Variants in CSNK1D observed in about 807,000 individuals in gnomAD.
The protein encoded by CSNK1D is casein kinase I isoform delta.
A neutral mutation model predicts 46.6 loss-of-function variants in CSNK1D; 16 were observed. That is an observed-to-expected ratio of 0.34 (90% confidence interval 0.23 to 0.52). CSNK1D has a LOEUF of 0.52. Among genes scored for constraint, CSNK1D ranks in the 20% least tolerant of loss-of-function variants. The pLI is 0.95. For synonymous variants in CSNK1D, 276 were observed against 228.2 expected, an observed-to-expected ratio of 1.21 and a Z score of -1.89; for missense variants, 398 against 578.4, an observed-to-expected ratio of 0.69 and a Z score of 3.20.
In CSNK1D at chr17:82,248,626, C is replaced by T. The variant is rs2050911366; in HGVS notation, c.1197+249G>A. 2.6e-5 allele frequency: 35 copies of T among 1,361,234 alleles called. No individual in the cohort carries two copies. Among genetic ancestry groups the T allele is most frequent in the Non-Finnish European group, 3.2e-5 (34 of 1,053,684 alleles). The allele number at this position is 1,361,234 out of a possible 1,614,324, so 84.3% of individuals were successfully genotyped here. On this transcript the variant is annotated intron_variant, in intron 8 of 8. Coordinates refer to ENST00000314028, the MANE Select transcript of CSNK1D (RefSeq NM_001893.6). This position sits in a 1 kb window ranked among gnomAD's most constrained non-coding sequence, Gnocchi z 4.1. ...GGAGAAAGCCCCCACGGTTTGCTGG[C>T]CTCAGGGACCTGAGACCTGAGACTG... is the stretch of plus-strand genomic sequence containing the variant.
intron 2 of CSNK1D, among the ~76,000 whole-genome samples, chr17:82,263,829 C>T (rs1375115494): frequency 6.6e-6 from 1 of 152,242 alleles, no homozygotes; most frequent in Admixed American, 6.5e-5. Flanking sequence ...ACCTTCAAGG[C>T]AATGCAGGCT....
rs2051012795 is a variant in CSNK1D at position 82,251,671 on chromosome 17, T to C, written c.737-144A>G. ...AAACACCTGTCAGATTTCTAAGACC[T>C]GAAGCCTTGAGAAAGCATCGAAAAG... On this transcript the variant is annotated intron_variant, in intron 5 of 8. Coordinates refer to ENST00000314028, the MANE Select transcript of CSNK1D (RefSeq NM_001893.6). The surrounding 1 kb of genome is among the most constrained non-coding windows in gnomAD (Gnocchi z 4.5). 1 of 884,002 alleles carries C rather than the reference T, an allele frequency of 1.1e-6. No homozygotes were observed. The allele number at this position is 884,002 out of a possible 1,614,324, so 54.8% of individuals were successfully genotyped here.
At chr17:82,253,275 C>A (rs1421942282) in intron 3 of CSNK1D, 31 bp from the exon 4 acceptor site, 5 of 1,577,500 alleles carry the variant, frequency 3.2e-6, no homozygotes, top group Non-Finnish European at 8.7e-7. Flanking sequence ...CGAGATGGCA[C>A]CCCAGGGCAG....
chr17:82,273,749 G>C, upstream of CSNK1D: 1 of 479,648 alleles, frequency 2.1e-6, no homozygotes, highest in Non-Finnish European at 3.6e-6. The surrounding 1 kb of genome is among the most constrained non-coding windows in gnomAD (Gnocchi z 5.1). Context: ...CGGCGCTCCA[G>C]GGGCGGGGCC....
Position 82,255,373 on chromosome 17 carries a change from G to A in CSNK1D, c.336+56C>T. 1 of 1,585,954 alleles carries A rather than the reference G, an allele frequency of 6.3e-7. No homozygotes were observed. Among genetic ancestry groups the A allele is most frequent in the Non-Finnish European group, 8.7e-7 (1 of 1,154,260 alleles). On this transcript the variant is annotated intron_variant, in intron 3 of 8. Transcript: ENST00000314028. This position sits in a 1 kb window ranked among gnomAD's most constrained non-coding sequence, Gnocchi z 5.9. Reference sequence around the variant, plus strand: ...ATAATGGCAAGAACAGCACAAGCGAGTGGCTGATTCTATCAGACAGCAAGT... The same window carrying A: ...ATAATGGCAAGAACAGCACAAGCGAATGGCTGATTCTATCAGACAGCAAGT...
chr17:82,259,688 C>G (rs112531081), intron 2 of CSNK1D, among the ~76,000 whole-genome samples: 2,277 of 152,300 alleles, frequency 0.015, 47 homozygotes, highest in African/African-American at 0.051. Flanking sequence ...CAGGGCTCAA[C>G]GCAGTATGAG....
At chr17:82,246,954 G>A in intron 8 of CSNK1D, 1 of 985,518 alleles carries the variant, frequency 1.0e-6, no homozygotes, top group Non-Finnish European at 1.2e-6. Flanking sequence ...GGGAGCTGCT[G>A]CTCACAGCCA....
chr17:82,267,116 GGAAAA>G (rs1390168126), intron 1 of CSNK1D: 7 of 151,348 alleles, frequency 4.6e-5, no homozygotes, highest in Admixed American at 4.6e-4. Flanking sequence ...GTGGCTATGT[GGAAAA>G]GAATTCACAC....
chr17:82,269,970 C>T (rs2051576711), intron 1 of CSNK1D, among the ~76,000 whole-genome samples: 1 of 152,388 alleles, frequency 6.6e-6, no homozygotes, highest in Non-Finnish European at 1.5e-5. Flanking sequence ...TATGGCCACA[C>T]CACATGGACA....
Position 82,273,258 on chromosome 17 carries a change from C to T in CSNK1D, c.76+48G>A, listed in dbSNP as rs1303730702. ...CGCGATCGCGCTTGGTCTTGGCAGC[C>T]GCAGGGCCCGGGTCTTCGGGCGGCG... On this transcript the variant is annotated intron_variant, in intron 1 of 8. Coordinates refer to ENST00000314028, the MANE Select transcript of CSNK1D (RefSeq NM_001893.6). The surrounding 1 kb of genome is among the most constrained non-coding windows in gnomAD (Gnocchi z 5.1). The T allele has an allele frequency of 1.3e-6, 2 of 1,567,698 alleles. No individual in the cohort carries two copies. The highest frequency in any genetic ancestry group is 1.7e-6 in the Non-Finnish European group (2 of 1,155,490).
At chr17:82,246,256 T>G (rs1000015641) in intron 8 of CSNK1D, 1 of 1,460,154 alleles carries the variant, frequency 6.8e-7, no homozygotes, top group African/African-American at 1.4e-5. Context: ...AATCACTTGC[T>G]CTTAAGGCCA....
Position 82,249,741 on chromosome 17 carries a change from C to T in CSNK1D, c.886-139G>A, listed in dbSNP as rs1271443238. ...GACTGCCTGCAAAGCCCCCCACAGG[C>T]TGCACGTTTCTCCTCATGGGATGAC... On this transcript the variant is annotated intron_variant, in intron 6 of 8. Transcript: ENST00000314028. This position sits in a 1 kb window ranked among gnomAD's most constrained non-coding sequence, Gnocchi z 6.7. The T allele has an allele frequency of 9.3e-6, 14 of 1,499,946 alleles. No homozygotes were observed. The highest frequency in any genetic ancestry group is 1.2e-5 in the Non-Finnish European group (13 of 1,127,170). 92.9% of individuals were successfully genotyped at this position (1,499,946 alleles called of 1,614,324 possible). A position where few individuals can be genotyped will look rare whatever the true frequency, so the allele number is the denominator to read the frequency against.
At chr17:82,245,953 G>A (rs1228432459) in intron 8 of CSNK1D, 3 of 1,587,016 alleles carry the variant, frequency 1.9e-6, no homozygotes, top group South Asian at 1.1e-5. Flanking sequence ...CTGCTGCCTG[G>A]CGCCCGCCAC....
chr17:82,248,551 G>A lies in CSNK1D; in HGVS notation c.1197+324C>T, dbSNP rs911578795. 5.0e-6 allele frequency: 6 copies of A among 1,194,536 alleles called. No individual in the cohort carries two copies. The highest frequency in any genetic ancestry group is 5.4e-5 in the East Asian group (1 of 18,674). The allele number at this position is 1,194,536 out of a possible 1,614,324, so 74.0% of individuals were successfully genotyped here. A position where few individuals can be genotyped will look rare whatever the true frequency, so the allele number is the denominator to read the frequency against. On this transcript the variant is annotated intron_variant, in intron 8 of 8. Coordinates refer to ENST00000314028, the MANE Select transcript of CSNK1D (RefSeq NM_001893.6). The surrounding 1 kb of genome is among the most constrained non-coding windows in gnomAD (Gnocchi z 4.1). ...CACAATGGGGCGCAAGCAGGCGAGC[G>A]GTGTCAGCTGCCTGGGGACGGCTGC...
Position 82,244,812 on chromosome 17 carries a change from G to C in CSNK1D, c.1217C>G (p.Ser406Cys). The C allele has an allele frequency of 6.2e-7, 1 of 1,613,920 alleles. No homozygotes were observed. The highest frequency in any genetic ancestry group is 1.1e-5 in the South Asian group (1 of 91,090). Residue 406 changes from serine to cysteine, a missense_variant, in exon 9 of 9, where the codon TCC becomes TGC. Physicochemically the swap from Ser to Cys is moderately radical, Grantham distance 112. Coordinates refer to ENST00000314028, the MANE Select transcript of CSNK1D (RefSeq NM_001893.6). Reference protein sequence around the residue: ...STSQIPGRVASSGLQSVVHR With the variant: ...STSQIPGRVACSGLQSVVHR ...GTGCACGACAGACTGAAGACCACTGGAAGCCACCCGACCAGGAATCTGTCG... is the reference window on the plus strand; with the variant it reads ...GTGCACGACAGACTGAAGACCACTGCAAGCCACCCGACCAGGAATCTGTCG...
intron 3 of CSNK1D, among the ~76,000 whole-genome samples, chr17:82,254,914 C>G (rs9747926): frequency 0.1 from 9,282 of 92,276 alleles, 1,186 homozygotes; most frequent in East Asian, 0.19. Flanking sequence ...CCGGGGCCTC[C>G]AGAAGCCAGT....
chr17:82,266,595 C>T (rs1005622642), intron 1 of CSNK1D: 4 of 153,026 alleles, frequency 2.6e-5, no homozygotes, highest in African/African-American at 7.2e-5. Flanking sequence ...AACCACCATC[C>T]CTCTCAGGTT....
intron 2 of CSNK1D, among the ~76,000 whole-genome samples, chr17:82,261,755 GTCC>G (rs1301420534): frequency 6.6e-6 from 1 of 152,166 alleles, no homozygotes; most frequent in African/African-American, 2.4e-5. Context: ...TGATTTTAAT[GTCC>G]TCGATACCGT....
chr17:82,257,601 G>A (rs1047627868), intron 2 of CSNK1D, among the ~76,000 whole-genome samples: 1 of 152,220 alleles, frequency 6.6e-6, no homozygotes, highest in Non-Finnish European at 1.5e-5. Context: ...ACTGACAGCC[G>A]TGCCAGCCAG....
Sources: gnomAD v4.1 joint callset for allele counts (sites outside exome capture counted in the v4.1 genomes callset) on GRCh38, gnomAD v4.1.1 for gene constraint, Gnocchi (gnomAD v3.1) non-coding constraint, MANE v1.5 for transcripts, NCBI Gene and HGNC (gene_info 2026-07-23, HGNC 2026-07-21) for gene names.